The following STX11 variants were observed in gnomAD, a reference collection of about 807,000 sequenced individuals.
STX11 encodes the protein syntaxin-11.
In STX11, 21 loss-of-function variants were observed where a neutral mutation model predicts 19.9. The observed-to-expected ratio is 1.06, with a 90% CI of 0.75 to 1.52. STX11 has a LOEUF of 1.52. STX11 is among the 40% of genes most tolerant of loss of function. The pLI is 0.00. For synonymous variants in STX11, 193 were observed against 174.4 expected, an observed-to-expected ratio of 1.11 and a Z score of -0.84; for missense variants, 438 against 405.9, an observed-to-expected ratio of 1.08 and a Z score of -0.68.
the STX11 span, among the ~76,000 whole-genome samples, chr6:144,140,209 CATATAT>C: frequency 3.7e-3 from 166 of 44,412 alleles, 2 homozygotes; most frequent in East Asian, 7.4e-3. Context: ...GGTCAATTCA[CATATAT>C]ATATATATAT....
Position 144,177,697 on chromosome 6 carries a change from C to T in STX11, c.-5-8926C>T, listed in dbSNP as rs556198811. ...CCCGGGAGGCAAAGGTTGCGGTGAGCCAAGATTGCACCACTGCACTCCAGC... is the reference window on the plus strand; with the variant it reads ...CCCGGGAGGCAAAGGTTGCGGTGAGTCAAGATTGCACCACTGCACTCCAGC... On this transcript the variant is annotated intron_variant, in intron 1 of 1. Coordinates refer to ENST00000367568, the MANE Select transcript of STX11 (RefSeq NM_003764.4). This position sits in a 1 kb window ranked among gnomAD's most constrained non-coding sequence, Gnocchi z 4.4. 8.5e-4 allele frequency among the ~76,000 whole-genome samples: 129 copies of T among 152,152 alleles called. No individual in the cohort carries two copies. Among genetic ancestry groups the T allele is most frequent in the Non-Finnish European group, 1.5e-3 (105 of 68,032 alleles).
Position 144,162,440 on chromosome 6 carries a change from A to G in STX11, c.-6+11737A>G, listed in dbSNP as rs1801365858. ...ATCCTAGTTGGCTTATGCCTTTAGA[A>G]AGTTCCTTTAGTGGAGTTTTGGAAG... is the stretch of plus-strand genomic sequence containing the variant. On this transcript the variant is annotated intron_variant, in intron 1 of 1. Transcript: ENST00000367568. This position sits in a 1 kb window ranked among gnomAD's most constrained non-coding sequence, Gnocchi z 4.6. 6.6e-6 allele frequency among the ~76,000 whole-genome samples: 1 copy of G among 152,202 alleles called. No homozygotes were observed. The highest frequency in any genetic ancestry group is 6.5e-5 in the Admixed American group (1 of 15,274).
chr6:144,181,592 C>CAAA lies in STX11; in HGVS notation c.-5-5008_-5-5006dup, dbSNP rs145945304. Among the ~76,000 whole-genome samples, 160 of 65,644 alleles carry CAAA rather than the reference C, an allele frequency of 2.4e-3. 1 individual carries two copies. Among genetic ancestry groups the CAAA allele is most frequent in the Non-Finnish European group, 3.6e-3 (125 of 34,476 alleles). The allele number at this position is 65,644 out of a possible 152,430, so 43.1% of individuals were successfully genotyped here. A position where few individuals can be genotyped will look rare whatever the true frequency, so the allele number is the denominator to read the frequency against. ...CCTGGGCAACAGAGCAAGACCACCT[C>CAAA]AAAAAAAAAAAAAAAAAAAAAAAAA... On this transcript the variant is annotated intron_variant, in intron 1 of 1. Transcript: ENST00000367568.
intron 1 of STX11, among the ~76,000 whole-genome samples, chr6:144,186,183 GGGA>G (rs1166926192): frequency 1.0e-5 from 1 of 96,332 alleles, no homozygotes; most frequent in African/African-American, 4.1e-5. Flanking sequence ...GGGGGGAGGG[GGGA>G]GGGATAGCAT....
Position 144,175,958 on chromosome 6 carries a change from C to T in STX11, c.-5-10665C>T, listed in dbSNP as rs987522810. Among the ~76,000 whole-genome samples, 1 of 152,206 alleles carries T rather than the reference C, an allele frequency of 6.6e-6. No individual in the cohort carries two copies. Among genetic ancestry groups the T allele is most frequent in the African/African-American group, 2.4e-5 (1 of 41,436 alleles). On this transcript the variant is annotated intron_variant, in intron 1 of 1. Transcript: ENST00000367568. The surrounding 1 kb of genome is among the most constrained non-coding windows in gnomAD (Gnocchi z 5.1). Reference sequence around the variant, plus strand: ...CATTAGCTGGATTTACCCTCCCTGGCCACAGCTGATTTCACCCACCCCACC... The same window carrying T: ...CATTAGCTGGATTTACCCTCCCTGGTCACAGCTGATTTCACCCACCCCACC...
At position 144,187,750 on chromosome 6, in the gene STX11, C is replaced by A. The variant is rs1802100844; in HGVS notation, c.*259C>A. ...ATGTCATTATATGACACCTTGCACT[C>A]TTACCGTCTTGACAGAAGCCAAGTA... On this transcript the variant is annotated 3_prime_UTR_variant, in exon 2 of 2. Coordinates refer to ENST00000367568, the MANE Select transcript of STX11 (RefSeq NM_003764.4). The surrounding 1 kb of genome is among the most constrained non-coding windows in gnomAD (Gnocchi z 5.6). 3 of 586,412 alleles carry A rather than the reference C, an allele frequency of 5.1e-6. No individual in the cohort carries two copies. In the African/African-American group the frequency reaches 5.6e-5, roughly 11 times the overall value. The allele number at this position is 586,412 out of a possible 1,614,324, so 36.3% of individuals were successfully genotyped here. A position where few individuals can be genotyped will look rare whatever the true frequency, so the allele number is the denominator to read the frequency against.
At position 144,152,063 on chromosome 6, in the gene STX11, C is replaced by T. The variant is rs747862288; in HGVS notation, c.-6+1360C>T. Among the ~76,000 whole-genome samples the T allele has an allele frequency of 6.6e-6, 1 of 152,124 alleles. No homozygotes were observed. Among genetic ancestry groups the T allele is most frequent in the African/African-American group, 2.4e-5 (1 of 41,410 alleles). On this transcript the variant is annotated intron_variant, in intron 1 of 1. Transcript: ENST00000367568. This position sits in a 1 kb window ranked among gnomAD's most constrained non-coding sequence, Gnocchi z 4.9. Reference sequence around the variant, plus strand: ...TTGTACAACCATGAATAATAGGATCCTGCCGGCAAGGTACTAGGGTAAATC... The same window carrying T: ...TTGTACAACCATGAATAATAGGATCTTGCCGGCAAGGTACTAGGGTAAATC...
At chr6:144,144,639 C>T in the STX11 span, among the ~76,000 whole-genome samples, 1 of 152,106 alleles carries the variant, frequency 6.6e-6, no homozygotes, top group Non-Finnish European at 1.5e-5. Flanking sequence ...TAAAATGTTG[C>T]TAATGTGGCT....
At position 144,190,360 on chromosome 6, in the gene STX11, A is replaced by G. The variant is rs1346728017; in HGVS notation, c.*2869A>G. 6.6e-6 allele frequency among the ~76,000 whole-genome samples: 1 copy of G among 152,240 alleles called. No individual in the cohort carries two copies. The highest frequency in any genetic ancestry group is 1.5e-5 in the Non-Finnish European group (1 of 68,044). On this transcript the variant is annotated 3_prime_UTR_variant, in exon 2 of 2. Transcript: ENST00000367568. The stretch of plus-strand genomic sequence containing the variant: ...CTGTTGTGAAAAGTGATGACTGAAT[A>G]TGTAAAAGCACCTAGAACAGTGCCT...
At chr6:144,140,680 C>T in the STX11 span, 19 of 884,620 alleles carry the variant, frequency 2.1e-5, no homozygotes, top group African/African-American at 3.6e-5. Flanking sequence ...ATAAACCATC[C>T]GTGAAGAAGG....
chr6:144,156,014 C>CTTTCTTTCTT (rs1302703326), intron 1 of STX11, among the ~76,000 whole-genome samples: 8 of 114,846 alleles, frequency 7.0e-5, no homozygotes, highest in African/African-American at 4.1e-4. Flanking sequence ...TTCTTTCTTT[C>CTTTCTTTCTT]TCTCTTTCTC....
intron 1 of STX11, 21 bp downstream of exon 1, chr6:144,150,724 GC>G (rs1380289361): frequency 1.0e-6 from 1 of 967,374 alleles, no homozygotes; most frequent in African/African-American, 1.9e-5. Context: ...CTCTTCCTGA[GC>G]CCCCATTTCT....
chr6:144,181,960 T>G (rs1801923011), intron 1 of STX11, among the ~76,000 whole-genome samples: 2 of 152,226 alleles, frequency 1.3e-5, no homozygotes, highest in Non-Finnish European at 2.9e-5. Context: ...GGTAGTTGGT[T>G]GTCAATTTTC....
chr6:144,179,194 A>C (rs1445415308), intron 1 of STX11, among the ~76,000 whole-genome samples: 1 of 152,120 alleles, frequency 6.6e-6, no homozygotes, highest in Non-Finnish European at 1.5e-5. Context: ...ATCAGATCTC[A>C]TGACACTTAT....
intron 1 of STX11, among the ~76,000 whole-genome samples, chr6:144,164,939 C>G (rs1022789759): frequency 6.6e-6 from 1 of 151,844 alleles, no homozygotes; most frequent in Non-Finnish European, 1.5e-5. Context: ...TCAGGTGATC[C>G]GCCTGCCTCG....
chr6:144,156,448 A>G (rs1335914721), intron 1 of STX11, among the ~76,000 whole-genome samples: 5 of 152,142 alleles, frequency 3.3e-5, no homozygotes, highest in Admixed American at 6.5e-5. Flanking sequence ...CATTTTGTAT[A>G]CTTGTTTTAC....
Position 144,155,970 on chromosome 6 carries a change from CTTTCTT to C in STX11, c.-6+5269_-6+5274del, listed in dbSNP as rs1472795927. Among the ~76,000 whole-genome samples, 1 of 128,846 alleles carries C rather than the reference CTTTCTT, an allele frequency of 7.8e-6. No homozygotes were observed. The allele number at this position is 128,846 out of a possible 152,430, so 84.5% of individuals were successfully genotyped here. A position where few individuals can be genotyped will look rare whatever the true frequency, so the allele number is the denominator to read the frequency against. On this transcript the variant is annotated intron_variant, in intron 1 of 1. Coordinates refer to ENST00000367568, the MANE Select transcript of STX11 (RefSeq NM_003764.4). The surrounding 1 kb of genome is among the most constrained non-coding windows in gnomAD (Gnocchi z 4.5). ...TCTTTCTTTCTTTCTTTCTTTCTTT[CTTTCTT>C]TCTTTCTTTCTTTCTTTCTTTCTTT...
Position 144,186,887 on chromosome 6 carries a change from A to G in STX11, c.260A>G (p.Asn87Ser), listed in dbSNP as rs771634798. 2.5e-6 allele frequency: 4 copies of G among 1,611,944 alleles called. No individual in the cohort carries two copies. The highest frequency in any genetic ancestry group is 2.2e-5 in the East Asian group (1 of 44,890). The change falls in exon 2 of 2, where the codon AAC becomes AGC. Residue 87 changes from asparagine (N) to serine (S), a missense_variant. Coordinates refer to ENST00000367568, the MANE Select transcript of STX11 (RefSeq NM_003764.4). ...RRLSSIKRDT[N>S]SIAKAIKARG... ...CTCAGCAGCATCAAGCGCGACACCA[A>G]CTCCATCGCCAAGGCCATCAAGGCC...
rs1171550349 is a variant in STX11 at position 144,172,710 on chromosome 6, C to T, written c.-5-13913C>T. On this transcript the variant is annotated intron_variant, in intron 1 of 1. Transcript: ENST00000367568. This position sits in a 1 kb window ranked among gnomAD's most constrained non-coding sequence, Gnocchi z 4.2. ...CAGATTATAGTATTAGCCTCGAAGT[C>T]TAGAGACTTATGCCTGATCTGCATG... Among the ~76,000 whole-genome samples the T allele has an allele frequency of 1.3e-5, 2 of 152,164 alleles. No individual in the cohort carries two copies.
Sources: gnomAD v4.1 joint callset for allele counts (sites outside exome capture counted in the v4.1 genomes callset) on GRCh38, gnomAD v4.1.1 for gene constraint, Gnocchi (gnomAD v3.1) non-coding constraint, MANE v1.5 for transcripts, NCBI Gene and HGNC (gene_info 2026-07-23, HGNC 2026-07-21) for gene names.